The following UNC13C variants were observed in gnomAD, a reference collection of about 807,000 sequenced individuals.
UNC13C encodes protein unc-13 homolog C.
UNC13C carries 174 observed loss-of-function variants against 245.4 expected under a neutral mutation model. The observed-to-expected ratio is 0.71, with a 90% CI of 0.63 to 0.80. The LOEUF (loss-of-function observed/expected upper bound fraction) is 0.80, where lower values mean the gene tolerates loss of function less well. Among genes scored for constraint, UNC13C ranks in the 30% least tolerant of loss-of-function variants. The probability of loss-of-function intolerance (pLI) is 0.00; values close to 1 mark genes in which losing one functional copy is unlikely to be tolerated. For synonymous variants in UNC13C, 992 were observed against 895.1 expected (o/e 1.11, Z -1.93); for missense variants, 2,829 against 2,602.9 (o/e 1.09, Z -1.89).
At chr15:54,413,299 A>AAT (rs2040451065) in intron 18 of UNC13C, among the ~76,000 whole-genome samples, 1 of 151,992 alleles carries the variant, frequency 6.6e-6, no homozygotes, top group Non-Finnish European at 1.5e-5. Context: ...AAGTTAACAT[A>AAT]ATCTTATTCT....
At chr15:54,042,627 G>A (rs950039001) in intron 2 of UNC13C, among the ~76,000 whole-genome samples, 1 of 152,120 alleles carries the variant, frequency 6.6e-6, no homozygotes, top group Non-Finnish European at 1.5e-5. Context: ...GCTGAGGCGG[G>A]CGGATCACAA....
intron 6 of UNC13C, 67 bp downstream of exon 6, chr15:54,236,502 A>G: frequency 7.8e-7 from 1 of 1,275,520 alleles, no homozygotes; most frequent in East Asian, 2.4e-5. Flanking sequence ...GCACTTACTC[A>G]TGGGGTAAAA....
rs1340719232 is a variant in UNC13C at position 54,555,455 on chromosome 15, C to T, written c.5901C>T (p.Ala1967=). The change falls in exon 29 of 33, where the codon GCC becomes GCT. Residue 1967 remains alanine (A), a synonymous_variant. Coordinates refer to ENST00000260323, the MANE Select transcript of UNC13C (RefSeq NM_001080534.3). Reference sequence around the variant, plus strand: ...AGGAGCACATGATTCGAGAGGATGCCAGGGGTCTGACGCCAAGACAATGCG... The same window carrying T: ...AGGAGCACATGATTCGAGAGGATGCTAGGGGTCTGACGCCAAGACAATGCG... ...KLKEHMIRED[A]RGLTPRQCAI... is the part of the protein sequence containing the mutation. 3.1e-6 allele frequency: 5 copies of T among 1,612,154 alleles called. No individual in the cohort carries two copies. The South Asian group carries it at 5.5e-5, about 18-fold the overall frequency.
At chr15:54,250,749 C>CTTTTTTTTTTTTTTTTTTTTTTTTTT (rs1296024773) in intron 8 of UNC13C, among the ~76,000 whole-genome samples, 9 of 88,866 alleles carry the variant, frequency 1.0e-4, no homozygotes, top group Non-Finnish European at 1.6e-4. Context: ...TTCTTTCTTT[C>CTTTTTTTTTTTTTTTTTTTTTTTTTT]TTTTTTTTTT....
chr15:53,946,585 G>A, the UNC13C span, among the ~76,000 whole-genome samples: 11 of 151,122 alleles, frequency 7.3e-5, no homozygotes, highest in African/African-American at 2.4e-4. Context: ...GCTGGACACA[G>A]TGGCACACGC....
intron 30 of UNC13C, among the ~76,000 whole-genome samples, chr15:54,593,993 C>G (rs1324887487): frequency 6.6e-6 from 1 of 152,192 alleles, no homozygotes; most frequent in Non-Finnish European, 1.5e-5. Flanking sequence ...GAAGGCTGTT[C>G]TGATTTTTTT....
Position 54,622,393 on chromosome 15 carries a change from C to A in UNC13C, c.6173C>A (p.Thr2058Lys). 5 of 1,613,006 alleles carry A rather than the reference C, an allele frequency of 3.1e-6. No homozygotes were observed. Among genetic ancestry groups the A allele is most frequent in the East Asian group, 2.2e-5 (1 of 44,856 alleles). The part of the protein sequence containing the change: ...VHVDITATPG[T>K]GDHKVTVKVI... ...GTGGACATCACTGCCACCCCAGGAACGGGAGATCATAAAGTCACTGTAAAA... is the reference window on the plus strand; with the variant it reads ...GTGGACATCACTGCCACCCCAGGAAAGGGAGATCATAAAGTCACTGTAAAA... Residue 2058 changes from threonine (T) to lysine (K), a missense_variant, in exon 31 of 33, where the codon ACG becomes AAG. Transcript: ENST00000260323.
At chr15:54,451,192 G>T (rs1244086069) in intron 19 of UNC13C, among the ~76,000 whole-genome samples, 10 of 151,844 alleles carry the variant, frequency 6.6e-5, no homozygotes, top group East Asian at 1.9e-4. Context: ...TGCAGGGTCA[G>T]TCTAGTGATG....
At chr15:54,486,552 G>C (rs912367244) in intron 19 of UNC13C, among the ~76,000 whole-genome samples, 3 of 151,986 alleles carry the variant, frequency 2.0e-5, no homozygotes, top group Non-Finnish European at 4.4e-5. Flanking sequence ...CCACATTTTA[G>C]TCCTTAGTTC....
At chr15:54,450,742 G>A (rs1019661574) in intron 19 of UNC13C, among the ~76,000 whole-genome samples, 5 of 152,176 alleles carry the variant, frequency 3.3e-5, no homozygotes, top group Admixed American at 3.3e-4. Flanking sequence ...GCCTTGCCCT[G>A]CTTCAGCTCA....
At chr15:53,881,287 TG>T in the UNC13C span, among the ~76,000 whole-genome samples, 1 of 152,172 alleles carries the variant, frequency 6.6e-6, no homozygotes, top group South Asian at 2.1e-4. Context: ...AAAGCTTGCG[TG>T]GTTATGGAGT....
chr15:54,140,957 G>T (rs1488342974), intron 2 of UNC13C, among the ~76,000 whole-genome samples: 1 of 152,146 alleles, frequency 6.6e-6, no homozygotes, highest in African/African-American at 2.4e-5. Flanking sequence ...GTGAATGAAT[G>T]AAACATTGAA....
At chr15:53,891,869 T>C in the UNC13C span, among the ~76,000 whole-genome samples, 1 of 152,268 alleles carries the variant, frequency 6.6e-6, no homozygotes, top group East Asian at 1.9e-4. Context: ...CATTTAAAGT[T>C]AATATTGTTA....
chr15:54,117,171 A>T (rs2030313253), intron 2 of UNC13C, among the ~76,000 whole-genome samples: 1 of 152,106 alleles, frequency 6.6e-6, no homozygotes, highest in African/African-American at 2.4e-5. Context: ...TATTCTGATT[A>T]TTAATTCCTG....
At chr15:53,868,788 G>T in the UNC13C span, among the ~76,000 whole-genome samples, 5 of 152,174 alleles carry the variant, frequency 3.3e-5, no homozygotes, top group Non-Finnish European at 7.3e-5. Context: ...GATGTCATTT[G>T]AAGTTTTCTA....
the UNC13C span, among the ~76,000 whole-genome samples, chr15:53,970,140 C>A: frequency 6.6e-6 from 1 of 151,784 alleles, no homozygotes; most frequent in Non-Finnish European, 1.5e-5. Context: ...TCACTCCAAC[C>A]TTTGCTCCAA....
intron 2 of UNC13C, among the ~76,000 whole-genome samples, chr15:54,072,962 A>T (rs1008187381): frequency 6.6e-6 from 1 of 152,002 alleles, no homozygotes; most frequent in Non-Finnish European, 1.5e-5. Flanking sequence ...TACACGTGCC[A>T]TGGTGGTTTG....
chr15:54,610,503 T>C (rs2141287978), intron 30 of UNC13C, among the ~76,000 whole-genome samples: 1 of 152,300 alleles, frequency 6.6e-6, no homozygotes, highest in East Asian at 1.9e-4. Flanking sequence ...ATGTTAGTCA[T>C]ATGTGTCTTT....
At chr15:54,089,223 T>G (rs1393952167) in intron 2 of UNC13C, among the ~76,000 whole-genome samples, 1 of 152,190 alleles carries the variant, frequency 6.6e-6, no homozygotes, top group Non-Finnish European at 1.5e-5. Flanking sequence ...TGCTTGACTC[T>G]CATGAAAACT....
Sources: gnomAD v4.1 joint callset for allele counts (sites outside exome capture counted in the v4.1 genomes callset) on GRCh38, gnomAD v4.1.1 for gene constraint, MANE v1.5 for transcripts, NCBI Gene and HGNC (gene_info 2026-07-23, HGNC 2026-07-21) for gene names.